USP24: variants seen among roughly 807,000 people sequenced by gnomAD.
USP24 encodes ubiquitin specific peptidase 24.
Under a neutral mutation model 361.6 loss-of-function variants are expected in USP24, and 97 were observed. The ratio of observed to expected loss-of-function variants is 0.27; its 90% CI spans 0.23 to 0.32. The LOEUF is 0.32. Ranked by LOEUF, USP24 falls within the 10% of genes least tolerant of loss-of-function variation. USP24 has a pLI of 1.00. For missense variants in USP24, 2,353 were observed against 3,165.6 expected (o/e 0.74, Z 6.16); for synonymous variants, 1,098 against 1,124.6 (o/e 0.98, Z 0.47).
chr1:55,179,121 T>C lies in USP24; in HGVS notation c.325-989A>G, dbSNP rs76165186. Among the ~76,000 whole-genome samples the C allele has an allele frequency of 3.9e-4, 60 of 152,346 alleles. 1 individual carries two copies. In the East Asian group the frequency reaches 0.011, roughly 28 times the overall value. On this transcript the variant is annotated intron_variant, in intron 1 of 67. Transcript: ENST00000294383. ...TACTGTTAAGGTCATCACTGAACTT[T>C]ATTTCACTAAATCCAATTAAGTCTC...
chr1:55,136,361 T>C (rs1263468227), intron 28 of USP24, among the ~76,000 whole-genome samples: 1 of 152,020 alleles, frequency 6.6e-6, no homozygotes, highest in Non-Finnish European at 1.5e-5. Flanking sequence ...GGGGGACACA[T>C]TAGGAAGGCC....
chr1:55,194,583 C>A (rs1644369262), intron 1 of USP24, among the ~76,000 whole-genome samples: 1 of 151,796 alleles, frequency 6.6e-6, no homozygotes, highest in Admixed American at 6.6e-5. Flanking sequence ...GGCTGGGCGA[C>A]AGAGGGAGAC....
At chr1:55,090,132 G>A (rs961252532) in intron 54 of USP24, among the ~76,000 whole-genome samples, 2 of 151,866 alleles carry the variant, frequency 1.3e-5, no homozygotes, top group Non-Finnish European at 2.9e-5. Context: ...AGCTTACATT[G>A]ACATTTTTAT....
chr1:55,127,301 G>A (rs1365063648), intron 32 of USP24, among the ~76,000 whole-genome samples: 11 of 151,924 alleles, frequency 7.2e-5, no homozygotes, highest in Admixed American at 1.3e-4. Flanking sequence ...CCCACCTATG[G>A]GTGAGAACAT....
rs1217809683 is a variant in USP24, at chr1:55,095,236, A to C, written c.6203+19T>G. 1 of 1,611,908 alleles carries C rather than the reference A, an allele frequency of 6.2e-7. No homozygotes were observed. The highest frequency in any genetic ancestry group is 8.5e-7 in the Non-Finnish European group (1 of 1,178,950). ...CACCATAGAAATCACACAGCAAATTACATGGAAGAGACACTTACAGAGAGA... is the reference window on the plus strand; with the variant it reads ...CACCATAGAAATCACACAGCAAATTCCATGGAAGAGACACTTACAGAGAGA... On this transcript the variant is annotated intron_variant, in intron 51 of 67. Coordinates refer to ENST00000294383, the MANE Select transcript of USP24 (RefSeq NM_015306.3).
In USP24 at chr1:55,134,372, G is replaced by A. The variant is rs368984047; in HGVS notation, c.3243C>T (p.Asn1081=). ...LPGVVMALVC[N]VFDMLYQLAN... is the part of the protein sequence containing the mutation. ...CGAGCTGATAAAGCATGTCAAATAC[G>A]TTACATACGAGAGCCATCACTACAC... The change falls in exon 29 of 68, where the codon AAC becomes AAT. Residue 1081 remains asparagine (N), a synonymous_variant. Transcript: ENST00000294383. 1.4e-5 allele frequency: 22 copies of A among 1,612,698 alleles called. No individual in the cohort carries two copies. The highest frequency in any genetic ancestry group is 1.7e-5 in the Non-Finnish European group (20 of 1,179,216).
intron 58 of USP24, among the ~76,000 whole-genome samples, chr1:55,082,605 G>A (rs767379352): frequency 2.6e-5 from 4 of 152,154 alleles, no homozygotes; most frequent in Non-Finnish European, 4.4e-5. Context: ...TGGGCAACAT[G>A]GTGAAATCCT....
At chr1:55,175,285 G>A (rs1649865154) in intron 3 of USP24, among the ~76,000 whole-genome samples, 1 of 135,104 alleles carries the variant, frequency 7.4e-6, no homozygotes. Flanking sequence ...GGAGTGCAAT[G>A]GTGTGATCTT....
intron 62 of USP24, 132 bp downstream of exon 62, chr1:55,077,103 G>A (rs1645044845): frequency 4.7e-6 from 4 of 846,560 alleles, no homozygotes; most frequent in South Asian, 3.0e-5. Flanking sequence ...TGACTGACAC[G>A]AAGATTTGGT....
intron 1 of USP24, among the ~76,000 whole-genome samples, chr1:55,186,554 T>C (rs1553169176): frequency 6.6e-6 from 1 of 152,154 alleles, no homozygotes; most frequent in Non-Finnish European, 1.5e-5. Flanking sequence ...AAACAAAATA[T>C]GATATAAACA....
chr1:55,067,532 T>TG lies in USP24; in HGVS notation c.*1512dup, dbSNP rs1175408957. 6.6e-6 allele frequency: 1 copy of TG among 152,210 alleles called. No individual in the cohort carries two copies. The highest frequency in any genetic ancestry group is 1.5e-5 in the Non-Finnish European group (1 of 68,054). The allele number at this position is 152,210 out of a possible 1,614,324, so 9.4% of individuals were successfully genotyped here. Reference sequence around the variant, plus strand: ...AGTCTGACAGCACAGAAACCCTCACTGCCAGAGAATGAAAAGACTGGGCCA... The same window carrying TG: ...AGTCTGACAGCACAGAAACCCTCACTGGCCAGAGAATGAAAAGACTGGGCCA... On this transcript the variant is annotated 3_prime_UTR_variant, in exon 68 of 68. Coordinates refer to ENST00000294383, the MANE Select transcript of USP24 (RefSeq NM_015306.3).
chr1:55,144,786 T>C (rs1051663764), intron 20 of USP24, among the ~76,000 whole-genome samples: 1 of 151,932 alleles, frequency 6.6e-6, no homozygotes, highest in Non-Finnish European at 1.5e-5. Context: ...AATAAAAAAT[T>C]AGCCAGGCAT....
chr1:55,072,689 A>G lies in USP24; in HGVS notation c.7602+97T>C, dbSNP rs977139021. On this transcript the variant is annotated intron_variant, in intron 65 of 67. Coordinates refer to ENST00000294383, the MANE Select transcript of USP24 (RefSeq NM_015306.3). Reference sequence around the variant, plus strand: ...ATGTTTGAAATCTGAAAACACTTTAAGGTCAGTCTCCATATTCAGTTCTAG... The same window carrying G: ...ATGTTTGAAATCTGAAAACACTTTAGGGTCAGTCTCCATATTCAGTTCTAG... The G allele has an allele frequency of 6.7e-6, 8 of 1,188,558 alleles. No homozygotes were observed. The African/African-American group carries it at 9.3e-5, about 14-fold the overall frequency. 73.6% of individuals were successfully genotyped at this position (1,188,558 alleles called of 1,614,324 possible). A position where few individuals can be genotyped will look rare whatever the true frequency, so the allele number is the denominator to read the frequency against.
At chr1:55,181,216 CA>C (rs1643956819) in intron 1 of USP24, among the ~76,000 whole-genome samples, 1 of 151,904 alleles carries the variant, frequency 6.6e-6, no homozygotes, top group Non-Finnish European at 1.5e-5. Flanking sequence ...ACTTCAATGC[CA>C]TATCAATGAT....
At chr1:55,156,340 T>C (rs1347485656) in intron 12 of USP24, among the ~76,000 whole-genome samples, 1 of 151,806 alleles carries the variant, frequency 6.6e-6, no homozygotes, top group Non-Finnish European at 1.5e-5. Context: ...AATTGACTTA[T>C]GAAAACCAAT....
intron 39 of USP24, among the ~76,000 whole-genome samples, chr1:55,109,129 C>T (rs563022928): frequency 7.9e-5 from 12 of 152,322 alleles, no homozygotes; most frequent in Admixed American, 7.2e-4. Context: ...GCTGGGATTA[C>T]AGGCACGTGC....
In USP24 at chr1:55,178,108, A is replaced by T; in HGVS notation, c.349T>A (p.Ser117Thr). Residue 117 changes from serine to threonine, a missense_variant, in exon 2 of 68, where the codon TCA (serine) becomes ACA (threonine). This residue lies in a region of USP24 where 253 missense variants were observed against 255.3 expected (regional missense o/e 0.99). Transcript: ENST00000294383. ...AEKNDENGNCSGEGIEFPTTN... is the reference protein window; with the variant it reads ...AEKNDENGNCTGEGIEFPTTN... ...GTAGGGAATTCAATTCCTTCCCCTGAGCAGTTTCCATTCTCATCATTCTTC... is the reference window on the plus strand; with the variant it reads ...GTAGGGAATTCAATTCCTTCCCCTGTGCAGTTTCCATTCTCATCATTCTTC... The T allele has an allele frequency of 6.4e-7, 1 of 1,551,400 alleles. No individual in the cohort carries two copies. Among genetic ancestry groups the T allele is most frequent in the Non-Finnish European group, 8.7e-7 (1 of 1,146,798 alleles).
In USP24 at chr1:55,138,755, C is replaced by T. The variant is rs373534987; in HGVS notation, c.2818-37G>A. On this transcript the variant is annotated intron_variant, in intron 25 of 67. Coordinates refer to ENST00000294383, the MANE Select transcript of USP24 (RefSeq NM_015306.3). ...AATAAGTCAAGTCAGATGGACAGCACCACTGATAAACACATCAAAAATACA... is the reference window on the plus strand; with the variant it reads ...AATAAGTCAAGTCAGATGGACAGCATCACTGATAAACACATCAAAAATACA... 4.4e-5 allele frequency: 66 copies of T among 1,484,540 alleles called. No individual in the cohort carries two copies. In the African/African-American group the frequency reaches 9.2e-4, roughly 21 times the overall value. 92.0% of individuals were successfully genotyped at this position (1,484,540 alleles called of 1,614,324 possible).
At chr1:55,071,703 G>T in intron 67 of USP24, 111 bp downstream of exon 67, 1 of 1,195,804 alleles carries the variant, frequency 8.4e-7, no homozygotes, top group Non-Finnish European at 1.2e-6. Flanking sequence ...TAACTCTTTG[G>T]ACTCACATTC....
Sources: gnomAD v4.1 joint callset for allele counts (sites outside exome capture counted in the v4.1 genomes callset) on GRCh38, gnomAD v4.1.1 for gene constraint, gnomAD v4.1.1 regional missense constraint, MANE v1.5 for transcripts, NCBI Gene and HGNC (gene_info 2026-07-23, HGNC 2026-07-21) for gene names.